TANGO6: variants seen among roughly 807,000 people sequenced by gnomAD.
The protein encoded by TANGO6 is transport and Golgi organization protein 6 homolog.
TANGO6 carries 90 observed loss-of-function variants against 114.2 expected under a neutral mutation model. The ratio of observed to expected loss-of-function variants is 0.79; its 90% CI spans 0.66 to 0.94. The LOEUF (loss-of-function observed/expected upper bound fraction) is 0.94, where lower values mean the gene tolerates loss of function less well. Among genes scored for constraint, TANGO6 ranks in the 40% least tolerant of loss-of-function variants. The pLI, the probability that TANGO6 is intolerant of heterozygous loss-of-function variation, is 0.00. For missense variants in TANGO6, 1,274 were observed against 1,315.3 expected (o/e 0.97, Z 0.49); for synonymous variants, 477 against 509.8 (o/e 0.94, Z 0.87).
intron 17 of TANGO6, among the ~76,000 whole-genome samples, chr16:69,082,650 C>T (rs1217849338): frequency 6.6e-6 from 1 of 151,870 alleles, no homozygotes. Context: ...GAGGCTGAGG[C>T]AGGAGAATTG....
chr16:68,926,207 G>A (rs1292575849), intron 12 of TANGO6, among the ~76,000 whole-genome samples: 1 of 152,060 alleles, frequency 6.6e-6, no homozygotes, highest in Non-Finnish European at 1.5e-5. Context: ...ATTTGAAAAT[G>A]TCTCGGCCGG....
chr16:69,044,495 G>A (rs1468107660), intron 17 of TANGO6, among the ~76,000 whole-genome samples: 1 of 152,074 alleles, frequency 6.6e-6, no homozygotes, highest in Non-Finnish European at 1.5e-5. Context: ...AGTTCCATTT[G>A]CTTGTTTTAA....
At chr16:68,967,439 G>A (rs546442810) in intron 14 of TANGO6, among the ~76,000 whole-genome samples, 1 of 152,268 alleles carries the variant, frequency 6.6e-6, no homozygotes, top group Admixed American at 6.5e-5. Context: ...GTTCCTAACA[G>A]GCCATGCCCG....
chr16:68,884,887 C>A (rs1453853465), intron 7 of TANGO6, among the ~76,000 whole-genome samples: 1 of 152,198 alleles, frequency 6.6e-6, no homozygotes, highest in Non-Finnish European at 1.5e-5. Flanking sequence ...CCTGGAGAGG[C>A]AAGCAAACCA....
At chr16:68,912,715 C>T (rs1962940305) in intron 11 of TANGO6, among the ~76,000 whole-genome samples, 1 of 151,956 alleles carries the variant, frequency 6.6e-6, no homozygotes, top group Non-Finnish European at 1.5e-5. Flanking sequence ...AGACAGTGTA[C>T]TGAACACGTT....
At chr16:68,938,493 A>T (rs2152200895) in intron 14 of TANGO6, among the ~76,000 whole-genome samples, 1 of 152,168 alleles carries the variant, frequency 6.6e-6, no homozygotes, top group South Asian at 2.1e-4. Flanking sequence ...TTGGAGCAAC[A>T]TTATGTGCCT....
intron 14 of TANGO6, among the ~76,000 whole-genome samples, chr16:68,936,477 T>G (rs1162144227): frequency 6.6e-6 from 1 of 152,028 alleles, no homozygotes; most frequent in Non-Finnish European, 1.5e-5. Context: ...GGACTACAGG[T>G]GCCCACCACC....
At chr16:68,910,365 G>C (rs1406891549) in intron 11 of TANGO6, among the ~76,000 whole-genome samples, 1 of 152,268 alleles carries the variant, frequency 6.6e-6, no homozygotes, top group East Asian at 1.9e-4. Flanking sequence ...GTGTTACTCA[G>C]TAGGGTGATT....
At chr16:68,869,347 G>A (rs746597532) in intron 4 of TANGO6, among the ~76,000 whole-genome samples, 10 of 152,166 alleles carry the variant, frequency 6.6e-5, no homozygotes, top group Admixed American at 1.3e-4. Context: ...GTGTGGTGGT[G>A]CGCACCTATG....
At chr16:68,854,017 T>C (rs955555315) in intron 1 of TANGO6, among the ~76,000 whole-genome samples, 3 of 152,234 alleles carry the variant, frequency 2.0e-5, no homozygotes, top group Admixed American at 1.3e-4. Context: ...TCAGGATCAA[T>C]GCGTTTGTCA....
rs1175561720 is a variant in TANGO6 at position 69,012,556 on chromosome 16, CAAAAAA to C, written c.2843-10255_2843-10250del. On this transcript the variant is annotated intron_variant, in intron 15 of 17. Coordinates refer to ENST00000261778, the MANE Select transcript of TANGO6 (RefSeq NM_024562.2). ...GGGCAACAAGAGCGAAACTCTGTCT[CAAAAAA>C]AAAAAAAAAAAAAAAAGGAAAAAAA... is the stretch of plus-strand genomic sequence containing the variant. Among the ~76,000 whole-genome samples the C allele has an allele frequency of 2.5e-3, 91 of 36,508 alleles. 4 individuals are homozygous for C. The South Asian group carries it at 0.084, about 34-fold the overall frequency. 24.0% of individuals were successfully genotyped at this position (36,508 alleles called of 152,430 possible).
rs563780060 is a variant in TANGO6 at position 69,083,511 on chromosome 16, C to G, written c.3135C>G (p.Leu1045=). ...TGCTGAGCGCCGTCCTCAAGGATCT[C>G]TACCACCTGCTGAAGCACGTAGTGT... ...TEVLSAVLKD[L]YHLLKHVVCL... Residue 1045 remains leucine, a synonymous_variant, in exon 18 of 18, where the codon CTC becomes CTG. Transcript: ENST00000261778. The G allele has an allele frequency of 6.2e-7, 1 of 1,612,336 alleles. No homozygotes were observed. The highest frequency in any genetic ancestry group is 1.1e-5 in the South Asian group (1 of 90,506).
chr16:69,041,586 C>G (rs535091526), intron 17 of TANGO6, among the ~76,000 whole-genome samples: 31 of 152,266 alleles, frequency 2.0e-4, no homozygotes, highest in Non-Finnish European at 4.1e-4. Flanking sequence ...CTTTCCTACA[C>G]AGCCACCTTT....
chr16:69,040,286 T>C, intron 16 of TANGO6, 22 bp from the exon 17 acceptor site: 1 of 1,573,212 alleles, frequency 6.4e-7, no homozygotes, highest in Non-Finnish European at 8.6e-7. Flanking sequence ...CTTATCAACT[T>C]CATCTTCCTT....
intron 14 of TANGO6, among the ~76,000 whole-genome samples, chr16:68,949,869 A>T (rs1963454956): frequency 6.6e-6 from 1 of 152,120 alleles, no homozygotes; most frequent in African/African-American, 2.4e-5. Context: ...TAATAGCTGA[A>T]AAATTGAAAC....
chr16:69,081,401 A>C (rs1960463551), intron 17 of TANGO6, among the ~76,000 whole-genome samples: 1 of 151,474 alleles, frequency 6.6e-6, no homozygotes, highest in Non-Finnish European at 1.5e-5. Context: ...TTTGAGGTGG[A>C]GTCTCACTCT....
intron 14 of TANGO6, among the ~76,000 whole-genome samples, chr16:68,972,227 A>G (rs114432213): frequency 1.5e-3 from 223 of 152,106 alleles, no homozygotes; most frequent in African/African-American, 4.8e-3. Context: ...GCTCTTTGGA[A>G]GCAAGAAAAG....
chr16:69,021,601 C>T (rs1394451147), intron 15 of TANGO6, among the ~76,000 whole-genome samples: 1 of 152,158 alleles, frequency 6.6e-6, no homozygotes, highest in Non-Finnish European at 1.5e-5. Context: ...CAATGCTTAG[C>T]ACATACTAGG....
intron 15 of TANGO6, among the ~76,000 whole-genome samples, chr16:69,011,319 A>G (rs1167788495): frequency 6.6e-6 from 1 of 152,172 alleles, no homozygotes; most frequent in Non-Finnish European, 1.5e-5. Flanking sequence ...GAATGGTGTA[A>G]GAATTTGGCA....
Sources: gnomAD v4.1 joint callset for allele counts (sites outside exome capture counted in the v4.1 genomes callset) on GRCh38, gnomAD v4.1.1 for gene constraint, MANE v1.5 for transcripts, NCBI Gene and HGNC (gene_info 2026-07-23, HGNC 2026-07-21) for gene names.